The following BRINP1 variants were observed in gnomAD, a reference collection of about 807,000 sequenced individuals.
The protein encoded by BRINP1 is BMP/retinoic acid inducible neural specific 1, also known as BMP/retinoic acid-inducible neural-specific protein 1.
A neutral mutation model predicts 72.9 loss-of-function variants in BRINP1; 17 were observed. The ratio of observed to expected loss-of-function variants is 0.23; its 90% CI spans 0.16 to 0.35. The LOEUF (loss-of-function observed/expected upper bound fraction) is 0.35, where lower values mean the gene tolerates loss of function less well. Ranked by LOEUF, BRINP1 falls within the 10% of genes least tolerant of loss-of-function variation. BRINP1 has a pLI of 1.00. For synonymous variants in BRINP1, 418 were observed against 378.5 expected (o/e 1.10, Z -1.21); for missense variants, 850 against 1,001.6 (o/e 0.85, Z 2.04).
intron 5 of BRINP1, among the ~76,000 whole-genome samples, chr9:119,235,623 G>A (rs1830186165): frequency 6.6e-6 from 1 of 152,116 alleles, no homozygotes; most frequent in Non-Finnish European, 1.5e-5. Flanking sequence ...CAGAAACAAT[G>A]TCTGTCTTGT....
chr9:119,283,252 A>AGCT, intron 2 of BRINP1: 27 of 882,430 alleles, frequency 3.1e-5, no homozygotes, highest in South Asian at 5.2e-5. Context: ...CAGCTGCCTC[A>AGCT]GCATCACCTG....
At chr9:119,254,197 C>T (rs1386933549) in intron 2 of BRINP1, among the ~76,000 whole-genome samples, 1 of 152,170 alleles carries the variant, frequency 6.6e-6, no homozygotes, top group Non-Finnish European at 1.5e-5. Flanking sequence ...AAGGGGCATA[C>T]ATGCTGGTGA....
At chr9:119,169,288 G>A (rs910999354) in intron 7 of BRINP1, among the ~76,000 whole-genome samples, 1 of 152,250 alleles carries the variant, frequency 6.6e-6, no homozygotes, top group Non-Finnish European at 1.5e-5. Flanking sequence ...TGCGCGAGCT[G>A]AAGCAGGGCG....
At position 119,235,357 on chromosome 9, in the gene BRINP1, T is replaced by A. The variant is rs1830183914; in HGVS notation, c.685+3298A>T. ...TCTGTGCTTTAATTTCACATGAGTTTCTTATTTCTTTGAATACCCCTTCAT... is the reference window on the plus strand; with the variant it reads ...TCTGTGCTTTAATTTCACATGAGTTACTTATTTCTTTGAATACCCCTTCAT... On this transcript the variant is annotated intron_variant, in intron 5 of 7. Coordinates refer to ENST00000265922, the MANE Select transcript of BRINP1 (RefSeq NM_014618.3). Among the ~76,000 whole-genome samples the A allele has an allele frequency of 7.9e-5, 12 of 152,212 alleles. No individual in the cohort carries two copies. The South Asian group carries it at 2.5e-3, about 32-fold the overall frequency.
chr9:119,188,361 A>T (rs1238602834), intron 7 of BRINP1, among the ~76,000 whole-genome samples: 1 of 152,240 alleles, frequency 6.6e-6, no homozygotes, highest in Non-Finnish European at 1.5e-5. Flanking sequence ...AAATAAAAAA[A>T]ACTTTCAATC....
chr9:119,333,471 A>G (rs1831320521), intron 1 of BRINP1, among the ~76,000 whole-genome samples: 2 of 151,728 alleles, frequency 1.3e-5, no homozygotes, highest in African/African-American at 4.8e-5. Context: ...TCAAAAAAAA[A>G]AAAAAAAAAA....
chr9:119,317,764 C>G (rs1191643387), intron 1 of BRINP1, among the ~76,000 whole-genome samples: 1 of 152,178 alleles, frequency 6.6e-6, no homozygotes, highest in East Asian at 1.9e-4. Context: ...GCAACCTGAC[C>G]ACCCTGATCA....
At position 119,269,283 on chromosome 9, in the gene BRINP1, C is replaced by T. The variant is rs532413804; in HGVS notation, c.219-20133G>A. On this transcript the variant is annotated intron_variant, in intron 2 of 7. Transcript: ENST00000265922. The stretch of plus-strand genomic sequence containing the variant: ...TCAAACACTGTGAAATTATCAATAC[C>T]AGTTCAACTCCCGTTGAGTGCAGGA... Among the ~76,000 whole-genome samples the T allele has an allele frequency of 2.8e-4, 43 of 152,138 alleles. 1 individual carries two copies. The highest frequency in any genetic ancestry group is 4.9e-4 in the Non-Finnish European group (33 of 68,018).
At chr9:119,277,556 C>A (rs540895066) in intron 2 of BRINP1, among the ~76,000 whole-genome samples, 57 of 152,158 alleles carry the variant, frequency 3.7e-4, no homozygotes, top group African/African-American at 1.3e-3. Flanking sequence ...TAAGCATATA[C>A]CAGCACATTA....
intron 5 of BRINP1, among the ~76,000 whole-genome samples, chr9:119,217,039 C>G (rs1829985083): frequency 6.6e-6 from 1 of 152,176 alleles, no homozygotes; most frequent in Non-Finnish European, 1.5e-5. Flanking sequence ...TTAAAAAGCA[C>G]TTTTCTGTAA....
chr9:119,341,457 G>T (rs1427239287), intron 1 of BRINP1, among the ~76,000 whole-genome samples: 1 of 152,178 alleles, frequency 6.6e-6, no homozygotes, highest in Non-Finnish European at 1.5e-5. Flanking sequence ...TGAGAGTTTA[G>T]GATGGTGTGT....
intron 5 of BRINP1, among the ~76,000 whole-genome samples, chr9:119,220,535 T>A (rs575394461): frequency 6.6e-6 from 1 of 152,130 alleles, no homozygotes; most frequent in African/African-American, 2.4e-5. Context: ...CATTAGGAAT[T>A]GTTGGAGGAA....
chr9:119,268,556 T>C (rs1163859928), intron 2 of BRINP1, among the ~76,000 whole-genome samples: 2 of 152,194 alleles, frequency 1.3e-5, no homozygotes, highest in Non-Finnish European at 2.9e-5. Context: ...AGAAGCAGTC[T>C]TTGGCCACCA....
chr9:119,262,588 G>A (rs1156327210), intron 2 of BRINP1, among the ~76,000 whole-genome samples: 2 of 146,384 alleles, frequency 1.4e-5, no homozygotes, highest in Admixed American at 7.2e-5. Flanking sequence ...AGAGGTTGCA[G>A]TGAGCCGAGA....
At chr9:119,213,569 C>T (rs76183746) in intron 6 of BRINP1, 9,399 of 459,588 alleles carry the variant, frequency 0.02, 708 homozygotes, top group African/African-American at 0.16. Flanking sequence ...CATACACACA[C>T]AAATATCCAC....
intron 2 of BRINP1, among the ~76,000 whole-genome samples, chr9:119,256,585 C>T (rs532067817): frequency 1.6e-4 from 25 of 152,278 alleles, no homozygotes; most frequent in African/African-American, 5.1e-4. Context: ...CAGTGCAACA[C>T]GGTATGAACA....
rs41273378 is a variant in BRINP1, at chr9:119,214,037, T to C, written c.804A>G (p.Gln268=). 1,067 of 1,614,144 alleles carry C rather than the reference T, an allele frequency of 6.6e-4. 2 individuals carry two copies. The highest frequency in any genetic ancestry group is 8.4e-4 in the Non-Finnish European group (996 of 1,180,026). The change falls in exon 6 of 8, where the codon CAA becomes CAG. Residue 268 remains glutamine, a synonymous_variant. Coordinates refer to ENST00000265922, the MANE Select transcript of BRINP1 (RefSeq NM_014618.3). ...YLCQNSQCRC[Q]CAEEFPQCNC... is the part of the protein sequence containing the mutation. ...TGCACTGCGGAAACTCCTCGGCACATTGGCAGCGACACTGGCTGTTCTGGC... is the reference window on the plus strand; with the variant it reads ...TGCACTGCGGAAACTCCTCGGCACACTGGCAGCGACACTGGCTGTTCTGGC...
At chr9:119,363,037 G>A (rs1831651809) in intron 1 of BRINP1, among the ~76,000 whole-genome samples, 1 of 152,156 alleles carries the variant, frequency 6.6e-6, no homozygotes, top group Admixed American at 6.5e-5. Context: ...AGCCACACTG[G>A]CAGGTAGTCC....
Position 119,273,800 on chromosome 9 carries a change from T to C in BRINP1, c.219-24650A>G, listed in dbSNP as rs922234996. Among the ~76,000 whole-genome samples, 6 of 152,310 alleles carry C rather than the reference T, an allele frequency of 3.9e-5. No individual in the cohort carries two copies. The South Asian group carries it at 8.3e-4, about 21-fold the overall frequency. On this transcript the variant is annotated intron_variant, in intron 2 of 7. Transcript: ENST00000265922. The stretch of plus-strand genomic sequence containing the variant: ...CCACAAGGGTTGGGATAGGTATTAG[T>C]AAAGCCAAGATGCAAAAGTATCAGG...
Sources: gnomAD v4.1 joint callset for allele counts (sites outside exome capture counted in the v4.1 genomes callset) on GRCh38, gnomAD v4.1.1 for gene constraint, MANE v1.5 for transcripts, NCBI Gene and HGNC (gene_info 2026-07-23, HGNC 2026-07-21) for gene names.